Variants in PTPRN2 observed in about 807,000 individuals in gnomAD.
The protein encoded by PTPRN2 is receptor-type tyrosine-protein phosphatase N2.
Under a neutral mutation model 118.8 loss-of-function variants are expected in PTPRN2, and 74 were observed. That is an observed-to-expected ratio of 0.62 (90% CI 0.52 to 0.76). The LOEUF is 0.76. PTPRN2 is among the 30% of genes least tolerant of loss of function. The pLI is 0.00. For synonymous variants in PTPRN2, 641 were observed against 608.0 expected (o/e 1.05, Z -0.80); for missense variants, 1,481 against 1,394.4 (o/e 1.06, Z -0.99).
intron 12 of PTPRN2, 63 bp from the exon 13 acceptor site, chr7:157,683,000 C>CTTGAAA: frequency 7.3e-7 from 1 of 1,378,634 alleles, no homozygotes; most frequent in Admixed American, 1.9e-5. Flanking sequence ...TAAAAACACA[C>CTTGAAA]GTCTCCAAAT....
intron 6 of PTPRN2, among the ~76,000 whole-genome samples, chr7:158,155,509 T>TCA (rs1821647514): frequency 2.1e-5 from 1 of 48,622 alleles, no homozygotes; most frequent in Non-Finnish European, 5.0e-5. Context: ...TCATCACCAA[T>TCA]GCCATCATCA....
At chr7:158,414,130 C>T (rs953606302) in intron 2 of PTPRN2, among the ~76,000 whole-genome samples, 1 of 145,018 alleles carries the variant, frequency 6.9e-6, no homozygotes, top group African/African-American at 2.6e-5. Context: ...AGGGGGAGAA[C>T]TGTGGTTCTA....
chr7:158,148,535 G>GGT (rs1820456292), intron 6 of PTPRN2, among the ~76,000 whole-genome samples: 2 of 2,268 alleles, frequency 8.8e-4, no homozygotes, highest in Admixed American at 4.1e-3. Context: ...TCACGCCACA[G>GGT]GTCTTTCCCC....
At chr7:157,826,168 G>C (rs1807158918) in intron 12 of PTPRN2, among the ~76,000 whole-genome samples, 1 of 150,230 alleles carries the variant, frequency 6.7e-6, no homozygotes, top group Non-Finnish European at 1.5e-5. Flanking sequence ...ATCACAACGA[G>C]CGCCATTTCC....
intron 3 of PTPRN2, among the ~76,000 whole-genome samples, chr7:158,221,660 G>A (rs770126776): frequency 2.6e-5 from 4 of 152,018 alleles, no homozygotes; most frequent in Non-Finnish European, 5.9e-5. Flanking sequence ...GGTTTCCTTC[G>A]GATCCATCAG....
chr7:158,025,174 G>A (rs1256698051), intron 11 of PTPRN2, among the ~76,000 whole-genome samples: 1 of 152,184 alleles, frequency 6.6e-6, no homozygotes, highest in Non-Finnish European at 1.5e-5. Flanking sequence ...GCTCAGAAGA[G>A]AAAGGCATCA....
Position 157,665,347 on chromosome 7 carries a change from G to A in PTPRN2, c.2002-8796C>T, listed in dbSNP as rs532127585. The stretch of plus-strand genomic sequence containing the variant: ...ATGAGTAAGACCTTGTGGCATTTGC[G>A]TGACTCAATAACCAACAGGTAATTA... On this transcript the variant is annotated intron_variant, in intron 13 of 22. Coordinates refer to ENST00000389418, the MANE Select transcript of PTPRN2 (RefSeq NM_002847.5). Among the ~76,000 whole-genome samples the A allele has an allele frequency of 2.6e-4, 39 of 152,368 alleles. No homozygotes were observed. In the South Asian group the frequency reaches 5.6e-3, roughly 22 times the overall value.
intron 1 of PTPRN2, among the ~76,000 whole-genome samples, chr7:158,561,099 G>A (rs1402872569): frequency 6.6e-6 from 1 of 152,202 alleles, no homozygotes; most frequent in Non-Finnish European, 1.5e-5. Context: ...TTCCACCCTT[G>A]ATCTTGATGA....
intron 19 of PTPRN2, among the ~76,000 whole-genome samples, chr7:157,571,899 TTCTTAG>T (rs1405883772): frequency 1.5e-4 from 2 of 13,336 alleles, no homozygotes; most frequent in Non-Finnish European, 3.7e-4. Context: ...TGCTCAAAAT[TTCTTAG>T]TCCAGACATC....
At chr7:158,189,273 C>T (rs929500025) in intron 5 of PTPRN2, among the ~76,000 whole-genome samples, 5 of 152,262 alleles carry the variant, frequency 3.3e-5, no homozygotes, top group African/African-American at 1.2e-4. Flanking sequence ...CCATGCTGCG[C>T]CTTGTCCCAC....
At chr7:158,564,211 C>T (rs1469814196) in intron 1 of PTPRN2, among the ~76,000 whole-genome samples, 1 of 152,120 alleles carries the variant, frequency 6.6e-6, no homozygotes, top group East Asian at 1.9e-4. Context: ...ATATATTTAA[C>T]TAACCTCTTG....
intron 14 of PTPRN2, among the ~76,000 whole-genome samples, chr7:157,654,122 CAACTCCACACT>C (rs1457824591): frequency 2.0e-5 from 2 of 98,422 alleles, no homozygotes; most frequent in African/African-American, 4.1e-5. Context: ...ACACCCACCC[CAACTCCACACT>C]GCCCGCCACT....
chr7:158,318,369 A>G (rs1802523029), intron 2 of PTPRN2, among the ~76,000 whole-genome samples: 1 of 152,210 alleles, frequency 6.6e-6, no homozygotes, highest in African/African-American at 2.4e-5. Flanking sequence ...GAAAATAGAA[A>G]GGCAACAAGC....
intron 2 of PTPRN2, among the ~76,000 whole-genome samples, chr7:158,342,860 C>T (rs746415008): frequency 6.6e-6 from 1 of 152,026 alleles, no homozygotes; most frequent in Non-Finnish European, 1.5e-5. Context: ...ACCTCATCAT[C>T]GTGCTCACTT....
At chr7:158,566,052 A>G (rs891956144) in intron 1 of PTPRN2, among the ~76,000 whole-genome samples, 1 of 152,164 alleles carries the variant, frequency 6.6e-6, no homozygotes, top group Non-Finnish European at 1.5e-5. Context: ...ATCCACTGAC[A>G]TCAGAAGTGG....
At chr7:157,962,195 A>C (rs1801588617) in intron 11 of PTPRN2, among the ~76,000 whole-genome samples, 1 of 152,238 alleles carries the variant, frequency 6.6e-6, no homozygotes, top group African/African-American at 2.4e-5. Flanking sequence ...GGAGAAGCAA[A>C]GTGCTTTTAA....
chr7:157,954,944 A>T (rs1242391286), intron 11 of PTPRN2, among the ~76,000 whole-genome samples: 1 of 152,230 alleles, frequency 6.6e-6, no homozygotes, highest in Admixed American at 6.5e-5. Flanking sequence ...TAAAATTTAA[A>T]AATTTAGAAA....
rs1179769344 is a variant in PTPRN2, at chr7:157,784,869, A to G, written c.1789-101932T>C. Among the ~76,000 whole-genome samples the G allele has an allele frequency of 6.6e-6, 1 of 152,018 alleles. No individual in the cohort carries two copies. Among genetic ancestry groups the G allele is most frequent in the Non-Finnish European group, 1.5e-5 (1 of 67,984 alleles). The stretch of plus-strand genomic sequence containing the variant: ...GGCCTGGACAAGTAATAAGGTCAAG[A>G]TATTTTTGGACTTGTTCAAATGGGT... On this transcript the variant is annotated intron_variant, in intron 12 of 22. Transcript: ENST00000389418. This position sits in a 1 kb window ranked among gnomAD's most constrained non-coding sequence, Gnocchi z 4.6.
intron 12 of PTPRN2, among the ~76,000 whole-genome samples, chr7:157,882,925 A>G (rs372423783): frequency 5.3e-5 from 8 of 150,694 alleles, no homozygotes; most frequent in African/African-American, 2.0e-4. Context: ...ATACCACCCC[A>G]AAATTGACTG....
Sources: allele counts gnomAD v4.1 joint callset (sites outside exome capture counted in the v4.1 genomes callset), GRCh38; gene constraint gnomAD v4.1.1; non-coding constraint Gnocchi (gnomAD v3.1); transcripts MANE v1.5; gene names NCBI Gene and HGNC (gene_info 2026-07-23, HGNC 2026-07-21).